The following INIP variants were observed in gnomAD, a reference collection of about 807,000 sequenced individuals.
INIP encodes SOSS complex subunit C.
Under a neutral mutation model 14.0 loss-of-function variants are expected in INIP, and 9 were observed. The ratio of observed to expected loss-of-function variants is 0.64; its 90% confidence interval spans 0.39 to 1.12. The LOEUF is 1.12. INIP is among the 50% of genes most tolerant of loss of function. The pLI, the probability that INIP is intolerant of heterozygous loss-of-function variation, is 0.01. For synonymous variants in INIP, 37 were observed against 41.5 expected, an observed-to-expected ratio of 0.89 and a Z score of 0.41; for missense variants, 78 against 122.7, an observed-to-expected ratio of 0.64 and a Z score of 1.72.
chr9:112,689,660 C>T (rs779457146), intron 3 of INIP, 43 bp from the exon 4 acceptor site: 1 of 1,488,894 alleles, frequency 6.7e-7, no homozygotes, highest in Non-Finnish European at 9.3e-7. Context: ...AAGGCAGAAA[C>T]ATCCTTACTT....
chr9:112,715,773 C>CAA (rs767866943), intron 2 of INIP, among the ~76,000 whole-genome samples: 3 of 107,606 alleles, frequency 2.8e-5, no homozygotes, highest in African/African-American at 1.1e-4. Context: ...AATTCCATCT[C>CAA]AAAAAAAAAA....
At chr9:112,690,857 G>C (rs1435434155) in intron 3 of INIP, among the ~76,000 whole-genome samples, 3 of 152,180 alleles carry the variant, frequency 2.0e-5, no homozygotes, top group Non-Finnish European at 4.4e-5. Context: ...GCGGGGTGAT[G>C]CCTAAGCCAC....
At chr9:112,712,554 G>A (rs755071486) in intron 2 of INIP, among the ~76,000 whole-genome samples, 2 of 152,190 alleles carry the variant, frequency 1.3e-5, no homozygotes, top group Non-Finnish European at 2.9e-5. Flanking sequence ...TTTAAAATCA[G>A]CCATTATAAA....
At chr9:112,695,506 A>T (rs1470103636) in intron 2 of INIP, among the ~76,000 whole-genome samples, 1 of 152,020 alleles carries the variant, frequency 6.6e-6, no homozygotes, top group Non-Finnish European at 1.5e-5. Flanking sequence ...TGTAGGCTGT[A>T]GAAGGAGTAT....
intron 2 of INIP, 126 bp downstream of exon 2, chr9:112,716,335 C>A: frequency 1.2e-6 from 1 of 841,292 alleles, no homozygotes. Flanking sequence ...AGCCACCGCT[C>A]CCGGCCTGCT....
At chr9:112,699,019 AT>A (rs1838196490) in intron 2 of INIP, among the ~76,000 whole-genome samples, 1 of 152,116 alleles carries the variant, frequency 6.6e-6, no homozygotes, top group African/African-American at 2.4e-5. Flanking sequence ...TTGCATTATT[AT>A]TTTTATTTAA....
At chr9:112,698,003 T>G (rs889594243) in intron 2 of INIP, among the ~76,000 whole-genome samples, 2 of 152,120 alleles carry the variant, frequency 1.3e-5, no homozygotes, top group East Asian at 1.9e-4. Context: ...TAATTCATGT[T>G]AAATGAAATG....
At chr9:112,699,287 T>G (rs1221223392) in intron 2 of INIP, among the ~76,000 whole-genome samples, 1 of 151,910 alleles carries the variant, frequency 6.6e-6, no homozygotes, top group East Asian at 1.9e-4. Flanking sequence ...CTCTGGCCTG[T>G]GCGGCAGAGC....
intron 2 of INIP, 29 bp downstream of exon 2, chr9:112,716,432 C>A: frequency 6.2e-7 from 1 of 1,600,150 alleles, no homozygotes. Context: ...GGGAAATGTT[C>A]ATAGTAAAGA....
At position 112,684,623 on chromosome 9, in the gene INIP, C is replaced by G. The variant is rs1837591530; in HGVS notation, c.*2915G>C. 1.3e-5 allele frequency: 2 copies of G among 152,094 alleles called. No homozygotes were observed. The highest frequency in any genetic ancestry group is 4.1e-4 in the South Asian group (2 of 4,822). 9.4% of individuals were successfully genotyped at this position (152,094 alleles called of 1,614,324 possible). ...GAAACAGAATATTCATGAGGCAAAA[C>G]CACCTATTTCTATATGCAGTACACT... On this transcript the variant is annotated 3_prime_UTR_variant, in exon 5 of 5. Coordinates refer to ENST00000374242, the MANE Select transcript of INIP (RefSeq NM_021218.3).
intron 4 of INIP, among the ~76,000 whole-genome samples, chr9:112,688,892 TC>T (rs1174479236): frequency 3.3e-5 from 5 of 152,134 alleles, no homozygotes; most frequent in African/African-American, 1.2e-4. Flanking sequence ...GTCATAATGT[TC>T]CTTCCAATTC....
chr9:112,690,380 G>T (rs1837841117), intron 3 of INIP, among the ~76,000 whole-genome samples: 1 of 152,104 alleles, frequency 6.6e-6, no homozygotes, highest in Non-Finnish European at 1.5e-5. Context: ...CCAGCTACGT[G>T]GGAGGCTGAG....
chr9:112,702,255 T>A (rs1047032292), intron 2 of INIP, among the ~76,000 whole-genome samples: 4 of 152,126 alleles, frequency 2.6e-5, no homozygotes, highest in Non-Finnish European at 4.4e-5. Flanking sequence ...GGGGTCACTG[T>A]CAGTAATTAT....
chr9:112,687,542 T>G lies in INIP; in HGVS notation c.311A>C (p.Glu104Ala). 2 of 1,595,948 alleles carry G rather than the reference T, an allele frequency of 1.3e-6. No individual in the cohort carries two copies. Among genetic ancestry groups the G allele is most frequent in the Non-Finnish European group, 1.7e-6 (2 of 1,164,460 alleles). ...TTTCCATCGCAAATGTTTTCTTCAT[T>G]CTGGGTCAAGGCGAGGTAAAACAGG... Reference protein sequence around the residue: ...ILPVLPRLDPE With the variant: ...ILPVLPRLDPA The change falls in exon 5 of 5, where the codon GAA becomes GCA. Residue 104 changes from glutamate to alanine, a missense_variant. Coordinates refer to ENST00000374242, the MANE Select transcript of INIP (RefSeq NM_021218.3).
intron 1 of INIP, among the ~76,000 whole-genome samples, 160 bp downstream of exon 1, chr9:112,717,827 C>T (rs1039816434): frequency 1.3e-5 from 2 of 152,110 alleles, no homozygotes; most frequent in Non-Finnish European, 2.9e-5. Flanking sequence ...CGGCTGGGCC[C>T]GGGCTGTGAA....
intron 2 of INIP, among the ~76,000 whole-genome samples, chr9:112,709,080 A>G (rs1343064670): frequency 6.6e-6 from 1 of 151,990 alleles, no homozygotes; most frequent in Admixed American, 6.6e-5. Context: ...ACCTAGACCT[A>G]AGGACTTACT....
Position 112,688,017 on chromosome 9 carries a change from T to C in INIP, c.220-384A>G, listed in dbSNP as rs530618188. Among the ~76,000 whole-genome samples, 568 of 151,640 alleles carry C rather than the reference T, an allele frequency of 3.7e-3. 3 individuals carry two copies. The highest frequency in any genetic ancestry group is 0.01 in the African/African-American group (428 of 41,338). The stretch of plus-strand genomic sequence containing the variant: ...AGGAGAATGGCATGAACCTGGGAGG[T>C]GGAGCTTGCAGTGAGCAGAGCTCGC... On this transcript the variant is annotated intron_variant, in intron 4 of 4. Transcript: ENST00000374242.
intron 2 of INIP, among the ~76,000 whole-genome samples, chr9:112,702,850 A>C (rs116124446): frequency 1.3e-5 from 2 of 152,226 alleles, no homozygotes; most frequent in African/African-American, 2.4e-5. Context: ...GGCATGAGAC[A>C]CTGTCCCCGG....
intron 2 of INIP, among the ~76,000 whole-genome samples, chr9:112,714,640 C>T (rs1336317300): frequency 2.0e-5 from 3 of 152,042 alleles, no homozygotes; most frequent in African/African-American, 7.2e-5. Context: ...AGCAAGCGAA[C>T]ATAGATGTCA....
Sources: gnomAD v4.1 joint callset for allele counts (sites outside exome capture counted in the v4.1 genomes callset) on GRCh38, gnomAD v4.1.1 for gene constraint, MANE v1.5 for transcripts, NCBI Gene and HGNC (gene_info 2026-07-23, HGNC 2026-07-21) for gene names.